The following CLPTM1 variants were observed in gnomAD, a reference collection of about 807,000 sequenced individuals.
CLPTM1 encodes CLPTM1 regulator of GABA type A receptor forward trafficking.
A neutral mutation model predicts 77.3 loss-of-function variants in CLPTM1; 21 were observed. The ratio of observed to expected loss-of-function variants is 0.27; its 90% CI spans 0.19 to 0.39. The LOEUF is 0.39. Among genes scored for constraint, CLPTM1 ranks in the 10% least tolerant of loss-of-function variants. CLPTM1 has a pLI of 1.00. For missense variants in CLPTM1, 642 were observed against 921.2 expected, an observed-to-expected ratio of 0.70 and a Z score of 3.92; for synonymous variants, 373 against 381.0, an observed-to-expected ratio of 0.98 and a Z score of 0.24.
intron 2 of CLPTM1, among the ~76,000 whole-genome samples, chr19:44,967,187 C>T (rs975434306): frequency 2.6e-5 from 4 of 151,922 alleles, no homozygotes; most frequent in South Asian, 4.2e-4. Context: ...GGTGTGATGG[C>T]GCACACCTGT....
intron 5 of CLPTM1, among the ~76,000 whole-genome samples, chr19:44,977,749 A>ATCT: frequency 6.6e-6 from 1 of 152,138 alleles, no homozygotes; most frequent in Non-Finnish European, 1.5e-5. Flanking sequence ...AGAGGAGGAG[A>ATCT]CGTCCTTCAC....
In CLPTM1 at chr19:44,960,972, C is replaced by T. The variant is rs116439582; in HGVS notation, c.73-991C>T. On this transcript the variant is annotated intron_variant, in intron 1 of 13. Coordinates refer to ENST00000337392, the MANE Select transcript of CLPTM1 (RefSeq NM_001294.4). ...TGCGTGAAGGGTGAGCAGAACATCC[C>T]CTTCCAAACCTGGCATTCAGAGAGT... Among the ~76,000 whole-genome samples, 1,206 of 152,270 alleles carry T rather than the reference C, an allele frequency of 7.9e-3. 19 individuals carry two copies. The highest frequency in any genetic ancestry group is 0.027 in the African/African-American group (1,134 of 41,552).
Position 44,990,699 on chromosome 19 carries a change from C to T in CLPTM1, c.1323+114C>T. On this transcript the variant is annotated intron_variant, in intron 10 of 13. Coordinates refer to ENST00000337392, the MANE Select transcript of CLPTM1 (RefSeq NM_001294.4). The surrounding 1 kb of genome is among the most constrained non-coding windows in gnomAD (Gnocchi z 4.8). ...GGGATTCCCAGCAAGTGCCTCACTC[C>T]CAGGACTGAGGGGATTTTCTCACCA... 1 of 1,383,452 alleles carries T rather than the reference C, an allele frequency of 7.2e-7. No homozygotes were observed. Among genetic ancestry groups the T allele is most frequent in the Non-Finnish European group, 1.0e-6 (1 of 989,862 alleles). The allele number at this position is 1,383,452 out of a possible 1,614,324, so 85.7% of individuals were successfully genotyped here.
intron 5 of CLPTM1, among the ~76,000 whole-genome samples, chr19:44,982,841 T>C (rs978185171): frequency 6.6e-6 from 1 of 152,140 alleles, no homozygotes; most frequent in Non-Finnish European, 1.5e-5. Flanking sequence ...GGCAGGTGGA[T>C]CACTTGAGGT....
At chr19:44,965,247 C>G (rs139729160) in intron 2 of CLPTM1, among the ~76,000 whole-genome samples, 90 of 152,314 alleles carry the variant, frequency 5.9e-4, no homozygotes, top group African/African-American at 2.0e-3. Flanking sequence ...CGCCTGCAAT[C>G]CCAGCACTTT....
intron 9 of CLPTM1, among the ~76,000 whole-genome samples, 192 bp downstream of exon 9, chr19:44,988,365 G>C (rs1167215685): frequency 6.6e-6 from 1 of 152,190 alleles, no homozygotes; most frequent in Admixed American, 6.5e-5. Context: ...CCCACCCACC[G>C]GGTGTGGAGC....
At chr19:44,988,007 C>T in intron 8 of CLPTM1, 73 bp from the exon 9 acceptor site, 1 of 1,180,484 alleles carries the variant, frequency 8.5e-7, no homozygotes, top group Non-Finnish European at 1.3e-6. Flanking sequence ...GCCCCAGGGG[C>T]AGCCCTCGGG....
chr19:44,978,510 G>T (rs892485790), intron 5 of CLPTM1, among the ~76,000 whole-genome samples: 9 of 152,164 alleles, frequency 5.9e-5, no homozygotes, highest in African/African-American at 2.2e-4. Flanking sequence ...GTGAGCACCT[G>T]TGGTTCCAGC....
chr19:44,966,881 G>A (rs1377347941), intron 2 of CLPTM1, among the ~76,000 whole-genome samples: 1 of 151,110 alleles, frequency 6.6e-6, no homozygotes, highest in Admixed American at 6.6e-5. Flanking sequence ...TCGCTCCGTC[G>A]CCCAGGCTGG....
Position 44,962,009 on chromosome 19 carries a change from A to G in CLPTM1, c.119A>G (p.Gln40Arg), listed in dbSNP as rs754110120. 25 of 1,610,772 alleles carry G rather than the reference A, an allele frequency of 1.6e-5. 1 individual carries two copies. Among genetic ancestry groups the G allele is most frequent in the Non-Finnish European group, 2.0e-5 (24 of 1,179,110 alleles). Residue 40 changes from glutamine (Q) to arginine (R), a missense_variant, in exon 2 of 14, where the codon CAG becomes CGG. Gln to Arg is a conservative substitution (Grantham distance 43). Coordinates refer to ENST00000337392, the MANE Select transcript of CLPTM1 (RefSeq NM_001294.4). ...SIGRDPPAET[Q>R]PQNPPAQPAP... ...GGGAGGGACCCGCCAGCGGAGACCC[A>G]GCCTCAGAACCCACCGGCCCAGCCG...
chr19:44,961,883 C>T (rs1298403287), intron 1 of CLPTM1, 80 bp from the exon 2 acceptor site: 2 of 868,112 alleles, frequency 2.3e-6, no homozygotes, highest in East Asian at 5.5e-5. Context: ...CCAGCCTGTG[C>T]CTGGCCTTCA....
At chr19:44,987,488 G>A in intron 8 of CLPTM1, 65 bp downstream of exon 8, 1 of 1,594,660 alleles carries the variant, frequency 6.3e-7, no homozygotes, top group South Asian at 1.1e-5. Flanking sequence ...CCAAGAGGAA[G>A]TGTGCCAGGC....
intron 8 of CLPTM1, 173 bp from the exon 9 acceptor site, chr19:44,987,907 T>C (rs1278601995): frequency 2.2e-5 from 14 of 638,724 alleles, no homozygotes; most frequent in Non-Finnish European, 3.6e-5. Context: ...TCTTCTGTCT[T>C]TGTGAGTCAC....
intron 2 of CLPTM1, among the ~76,000 whole-genome samples, chr19:44,967,143 A>T: frequency 6.6e-6 from 1 of 151,688 alleles, no homozygotes; most frequent in East Asian, 1.9e-4. Flanking sequence ...GCCTATCCTG[A>T]CCCCATCTCT....
At chr19:44,960,096 G>T (rs1395359681) in intron 1 of CLPTM1, among the ~76,000 whole-genome samples, 3 of 152,132 alleles carry the variant, frequency 2.0e-5, no homozygotes, top group Admixed American at 6.6e-5. Flanking sequence ...TGAGGAGGGG[G>T]CCTTGTGCCT....
chr19:44,957,508 T>C (rs1323089410), intron 1 of CLPTM1, among the ~76,000 whole-genome samples: 2 of 152,256 alleles, frequency 1.3e-5, no homozygotes, highest in Non-Finnish European at 2.9e-5. Flanking sequence ...CCTGATGCCG[T>C]GGTGGATCCA....
intron 3 of CLPTM1, among the ~76,000 whole-genome samples, chr19:44,974,183 C>T (rs1399548020): frequency 6.6e-6 from 1 of 152,092 alleles, no homozygotes; most frequent in Admixed American, 6.5e-5. Flanking sequence ...CCCTTCCTAC[C>T]CCTAAATTCT....
chr19:44,964,986 A>G, intron 2 of CLPTM1, among the ~76,000 whole-genome samples: 1 of 152,048 alleles, frequency 6.6e-6, no homozygotes, highest in Admixed American at 6.6e-5. Context: ...TGGCGGGGGA[A>G]TATGCTTGGC....
At chr19:44,988,025 C>T in intron 8 of CLPTM1, 55 bp from the exon 9 acceptor site, 1 of 1,350,762 alleles carries the variant, frequency 7.4e-7, no homozygotes, top group East Asian at 2.3e-5. Flanking sequence ...GGGACAAAAG[C>T]TAGTGAAGGT....
Sources: allele counts gnomAD v4.1 joint callset (sites outside exome capture counted in the v4.1 genomes callset), GRCh38; gene constraint gnomAD v4.1.1; non-coding constraint Gnocchi (gnomAD v3.1); transcripts MANE v1.5; gene names NCBI Gene and HGNC (gene_info 2026-07-23, HGNC 2026-07-21).